Variants in ANXA11 observed in about 807,000 individuals in gnomAD.
ANXA11 encodes the protein annexin A11.
Under a neutral mutation model 64.7 loss-of-function variants are expected in ANXA11, and 57 were observed. The observed-to-expected ratio is 0.88, with a 90% confidence interval of 0.71 to 1.10. The LOEUF (loss-of-function observed/expected upper bound fraction) is 1.10, where lower values mean the gene tolerates loss of function less well. ANXA11 is among the 50% of genes least tolerant of loss of function. The pLI is 0.00. For missense variants in ANXA11, 675 were observed against 670.7 expected, an observed-to-expected ratio of 1.01 and a Z score of -0.07; for synonymous variants, 260 against 265.2, an observed-to-expected ratio of 0.98 and a Z score of 0.19.
rs61860020 is a variant in ANXA11, at chr10:80,162,128, A to G, written c.1087-100T>C. The G allele has an allele frequency of 3.8e-3, 3,978 of 1,034,240 alleles. 16 individuals are homozygous for G. The highest frequency in any genetic ancestry group is 5.2e-3 in the Non-Finnish European group (3,645 of 701,302). 64.1% of individuals were successfully genotyped at this position (1,034,240 alleles called of 1,614,324 possible). ...GGTAAACTTCTGAAGGTTTGAGCCT[A>G]AAGTATTTGCCAATTTGCAACCTCT... On this transcript the variant is annotated intron_variant, in intron 11 of 15. Transcript: ENST00000422982.
chr10:80,179,256 G>GT (rs753194988), intron 1 of ANXA11, among the ~76,000 whole-genome samples: 8 of 152,110 alleles, frequency 5.3e-5, no homozygotes, highest in Non-Finnish European at 1.0e-4. Context: ...CCACATGATT[G>GT]TAAGTTTCCT....
At chr10:80,162,122 G>A in intron 11 of ANXA11, 94 bp from the exon 12 acceptor site, 6 of 1,101,388 alleles carry the variant, frequency 5.4e-6, no homozygotes, top group Non-Finnish European at 7.9e-6. Flanking sequence ...CTGAAGGTTT[G>A]AGCCTAAAGT....
At chr10:80,181,121 G>T (rs1589439144) in intron 1 of ANXA11, 1 of 152,284 alleles carries the variant, frequency 6.6e-6, no homozygotes, top group South Asian at 2.1e-4. Flanking sequence ...TTTAAACCAG[G>T]CAGGTCCAAT....
At chr10:80,194,139 C>A (rs778544105) in intron 1 of ANXA11, among the ~76,000 whole-genome samples, 1 of 152,204 alleles carries the variant, frequency 6.6e-6, no homozygotes, top group Non-Finnish European at 1.5e-5. Context: ...GTACCAACAT[C>A]TGCAGTAGGT....
intron 14 of ANXA11, 29 bp downstream of exon 14, chr10:80,157,938 A>G (rs1341711803): frequency 1.9e-5 from 30 of 1,611,374 alleles, no homozygotes; most frequent in Non-Finnish European, 2.4e-5. Context: ...CTAAGGTTCC[A>G]TCGCAACCTG....
At chr10:80,170,760 T>C (rs746388798) in intron 4 of ANXA11, 40 bp downstream of exon 4, 69 of 1,413,186 alleles carry the variant, frequency 4.9e-5, no homozygotes, top group Non-Finnish European at 6.2e-5. Context: ...GCCACGCAGG[T>C]GTGGCCCCAG....
chr10:80,199,082 T>C (rs1017939304), intron 1 of ANXA11, among the ~76,000 whole-genome samples: 1 of 151,046 alleles, frequency 6.6e-6, no homozygotes, highest in African/African-American at 2.4e-5. Flanking sequence ...GAAGATTCCA[T>C]CTTCAAGATA....
chr10:80,200,936 T>C (rs929087267), intron 1 of ANXA11, among the ~76,000 whole-genome samples: 5 of 152,184 alleles, frequency 3.3e-5, no homozygotes, highest in African/African-American at 1.2e-4. Flanking sequence ...TAGGTCTGCC[T>C]GAGCACGGAG....
chr10:80,170,866 G>T lies in ANXA11; in HGVS notation c.105C>A (p.Pro35=). The T allele has an allele frequency of 6.5e-7, 1 of 1,545,138 alleles. No homozygotes were observed. Among genetic ancestry groups the T allele is most frequent in the Non-Finnish European group, 8.7e-7 (1 of 1,149,914 alleles). ...TGGCCACGTTATCCAGCCCGATGGG[G>T]GGCATGCTGGGCGGAGGAGGGTAGG... ...GAAYPPPPSM[P]PIGLDNVATY... is the part of the protein sequence containing the mutation. Residue 35 remains proline (P), a synonymous_variant, in exon 4 of 16, where the codon CCC becomes CCA. Transcript: ENST00000422982.
intron 1 of ANXA11, among the ~76,000 whole-genome samples, chr10:80,190,948 A>G (rs1201221128): frequency 6.6e-6 from 1 of 151,922 alleles, no homozygotes. Context: ...AAAATTGGCC[A>G]GGCACAGAGA....
At chr10:80,194,040 T>G (rs1042176886) in intron 1 of ANXA11, among the ~76,000 whole-genome samples, 1 of 151,924 alleles carries the variant, frequency 6.6e-6, no homozygotes, top group African/African-American at 2.4e-5. Context: ...CCTGGTGAAC[T>G]ATATTCTTCA....
intron 14 of ANXA11, 43 bp downstream of exon 14, chr10:80,157,924 G>A (rs764120084): frequency 1.4e-5 from 23 of 1,606,976 alleles, no homozygotes; most frequent in African/African-American, 1.2e-4. Context: ...AGGCACAGGC[G>A]AGGCTAAGGT....
Position 80,186,821 on chromosome 10 carries a change from CGT to C in ANXA11, c.-57-10668_-57-10667del, listed in dbSNP as rs368505448. ...ACACAGCGTCACACGCAGATCTCTC[CGT>C]CACGCTCCTCCATGGCAGGCTTCCC... On this transcript the variant is annotated intron_variant, in intron 1 of 15. Transcript: ENST00000422982. Among the ~76,000 whole-genome samples, 84 of 152,348 alleles carry C rather than the reference CGT, an allele frequency of 5.5e-4. 1 individual carries two copies. The highest frequency in any genetic ancestry group is 2.0e-3 in the African/African-American group (82 of 41,582).
intron 1 of ANXA11, among the ~76,000 whole-genome samples, chr10:80,185,105 C>T (rs1846491836): frequency 6.6e-6 from 1 of 152,200 alleles, no homozygotes; most frequent in African/African-American, 2.4e-5. Flanking sequence ...CATCACACTC[C>T]CACAATATGC....
chr10:80,190,284 T>A (rs1411780780), intron 1 of ANXA11, among the ~76,000 whole-genome samples: 1 of 145,822 alleles, frequency 6.9e-6, no homozygotes, highest in South Asian at 2.1e-4. Flanking sequence ...TGTATATTTT[T>A]ACCACAAAAA....
At chr10:80,170,961 A>G (rs1458365560) in intron 3 of ANXA11, 46 bp from the exon 4 acceptor site, 1 of 1,554,436 alleles carries the variant, frequency 6.4e-7, no homozygotes, top group East Asian at 2.4e-5. Flanking sequence ...GTCCCCCACC[A>G]CACGGGGAAA....
At chr10:80,187,031 C>T (rs963294057) in intron 1 of ANXA11, among the ~76,000 whole-genome samples, 1 of 152,214 alleles carries the variant, frequency 6.6e-6, no homozygotes, top group Admixed American at 6.5e-5. Flanking sequence ...CTGGCTGCCT[C>T]GCAGGCCAGC....
At position 80,170,915 on chromosome 10, in the gene ANXA11, C is replaced by T. The variant is rs745820007; in HGVS notation, c.56G>A (p.Gly19Asp). The T allele has an allele frequency of 2.5e-6, 4 of 1,588,588 alleles. No homozygotes were observed. The African/African-American group carries it at 4.1e-5, about 16-fold the overall frequency. Reference sequence around the variant, plus strand: ...GGCAGCACCTCCCCAGGGACCACCACCTGAAAGCAACACCAAGCCCTTTAG... The same window carrying T: ...GGCAGCACCTCCCCAGGGACCACCATCTGAAAGCAACACCAAGCCCTTTAG... ...PPGGYPPAAP[G>D]GGPWGGAAYP... The change falls in exon 4 of 16, where the codon GGT becomes GAT. Residue 19 changes from glycine (G) to aspartate (D), a missense_variant and splice_region_variant. Gly to Asp is a moderately conservative substitution (Grantham distance 94). Transcript: ENST00000422982.
Position 80,166,204 on chromosome 10 carries a change from G to T in ANXA11, c.745-7C>A. 2 of 1,519,608 alleles carry T rather than the reference G, an allele frequency of 1.3e-6. No individual in the cohort carries two copies. The highest frequency in any genetic ancestry group is 1.2e-5 in the South Asian group (1 of 85,282). 94.1% of individuals were successfully genotyped at this position (1,519,608 alleles called of 1,614,324 possible). On this transcript the variant is annotated splice_region_variant and splice_polypyrimidine_tract_variant and intron_variant, in intron 7 of 15. Transcript: ENST00000422982. ...TCAGATCTTTGATCAAATCCTGATT[G>T]GATATTCAAACAAACAACCAACAAA... is the stretch of plus-strand genomic sequence containing the variant.
Sources: gnomAD v4.1 joint callset for allele counts (sites outside exome capture counted in the v4.1 genomes callset) on GRCh38, gnomAD v4.1.1 for gene constraint, MANE v1.5 for transcripts, NCBI Gene and HGNC (gene_info 2026-07-23, HGNC 2026-07-21) for gene names.